The following IKZF2 variants were observed in gnomAD, a reference collection of about 807,000 sequenced individuals.
IKZF2 encodes the protein IKAROS family zinc finger 2, also known as zinc finger protein Helios.
IKZF2 carries 15 observed loss-of-function variants against 49.2 expected under a neutral mutation model. The ratio of observed to expected loss-of-function variants is 0.30; its 90% confidence interval spans 0.20 to 0.47. The LOEUF is 0.47. Among genes scored for constraint, IKZF2 ranks in the 20% least tolerant of loss-of-function variants. The pLI is 1.00. For missense variants in IKZF2, 567 were observed against 664.6 expected, an observed-to-expected ratio of 0.85 and a Z score of 1.61; for synonymous variants, 227 against 221.4, an observed-to-expected ratio of 1.03 and a Z score of -0.23.
At chr2:213,062,033 A>G (rs184870709) in intron 4 of IKZF2, among the ~76,000 whole-genome samples, 11 of 151,698 alleles carry the variant, frequency 7.3e-5, no homozygotes, top group South Asian at 6.2e-4. Context: ...CTTCAATAAT[A>G]TGAATTCTCA....
Position 213,006,944 on chromosome 2 carries a change from A to G in IKZF2, c.*416T>C, listed in dbSNP as rs1418296038. 1.3e-5 allele frequency: 2 copies of G among 158,462 alleles called. No individual in the cohort carries two copies. The highest frequency in any genetic ancestry group is 6.2e-5 in the Admixed American group (1 of 16,036). 9.8% of individuals were successfully genotyped at this position (158,462 alleles called of 1,614,324 possible). On this transcript the variant is annotated 3_prime_UTR_variant, in exon 9 of 9. Coordinates refer to ENST00000434687, the MANE Select transcript of IKZF2 (RefSeq NM_001387220.1). ...TCTTCTTTCAAGAATAAAGTTACTT[A>G]TACCATTTTTAAACCACCAAAGTCC...
At position 213,057,071 on chromosome 2, in the gene IKZF2, A is replaced by G; in HGVS notation, c.168T>C (p.Ser56=). 6.2e-7 allele frequency: 1 copy of G among 1,612,904 alleles called. No homozygotes were observed. Among genetic ancestry groups the G allele is most frequent in the Non-Finnish European group, 8.5e-7 (1 of 1,179,646 alleles). The change falls in exon 5 of 9, where the codon AGT becomes AGC. Residue 56 remains serine, a synonymous_variant. Coordinates refer to ENST00000434687, the MANE Select transcript of IKZF2 (RefSeq NM_001387220.1). ...GGGGTTTCCTGTCACACTCTTCATC[A>G]CTCTGCATTTCTAGCTTTACTGAAT... The part of the protein sequence containing the change: ...STNSVKLEMQ[S]DEECDRKPLS...
chr2:213,033,156 A>T (rs1044175980), intron 6 of IKZF2, among the ~76,000 whole-genome samples: 1 of 152,204 alleles, frequency 6.6e-6, no homozygotes, highest in Non-Finnish European at 1.5e-5. Context: ...TCATCCATTC[A>T]CATTTTATAA....
chr2:213,037,614 A>G (rs1380678456), intron 6 of IKZF2, among the ~76,000 whole-genome samples: 1 of 152,190 alleles, frequency 6.6e-6, no homozygotes, highest in African/African-American at 2.4e-5. Flanking sequence ...GTCAAGAATG[A>G]AAATATTAAT....
chr2:213,091,663 T>G (rs1307564028), intron 4 of IKZF2, among the ~76,000 whole-genome samples: 1 of 152,176 alleles, frequency 6.6e-6, no homozygotes, highest in African/African-American at 2.4e-5. Context: ...GAAAGGTAGA[T>G]ATGAGATCAA....
chr2:213,014,835 G>T (rs1485741743), intron 7 of IKZF2: 1 of 151,956 alleles, frequency 6.6e-6, no homozygotes, highest in Admixed American at 6.6e-5. Context: ...TAAAAACAGT[G>T]TTCTCAGGAA....
chr2:213,003,910 T>C lies in IKZF2; in HGVS notation c.*3450A>G, dbSNP rs1454125873. ...TAAATATCTTTGAATGTATATCCAA[T>C]CAGCTTAATCATTGTTTGTTTCACT... is the stretch of plus-strand genomic sequence containing the variant. On this transcript the variant is annotated 3_prime_UTR_variant, in exon 9 of 9. Coordinates refer to ENST00000434687, the MANE Select transcript of IKZF2 (RefSeq NM_001387220.1). 6.6e-6 allele frequency: 1 copy of C among 151,862 alleles called. No homozygotes were observed. Among genetic ancestry groups the C allele is most frequent in the African/African-American group, 2.4e-5 (1 of 41,432 alleles). The allele number at this position is 151,862 out of a possible 1,614,324, so 9.4% of individuals were successfully genotyped here. A position where few individuals can be genotyped will look rare whatever the true frequency, so the allele number is the denominator to read the frequency against.
intron 4 of IKZF2, among the ~76,000 whole-genome samples, chr2:213,130,724 G>A (rs2060447392): frequency 6.6e-6 from 1 of 152,152 alleles, no homozygotes; most frequent in African/African-American, 2.4e-5. Context: ...TTTCAGTTCA[G>A]TTAGGATTAA....
rs1412174483 is a variant in IKZF2 at position 213,007,643 on chromosome 2, C to T, written c.1298G>A (p.Ser433Asn). ...GACATCCTCCTTCATGTAAGCTGGG[C>T]TTTGTTTCCTCTTGGGATTTAAGGC... ...HPALNPKRKQ[S>N]PAYMKEDVKA... The change falls in exon 9 of 9, where the codon AGC (serine) becomes AAC (asparagine). Residue 433 changes from serine to asparagine, a missense_variant. Coordinates refer to ENST00000434687, the MANE Select transcript of IKZF2 (RefSeq NM_001387220.1). The T allele has an allele frequency of 3.1e-6, 5 of 1,613,522 alleles. No homozygotes were observed. The highest frequency in any genetic ancestry group is 1.3e-5 in the African/African-American group (1 of 74,840).
chr2:213,045,833 G>C (rs1700100167), intron 6 of IKZF2, among the ~76,000 whole-genome samples: 1 of 152,060 alleles, frequency 6.6e-6, no homozygotes, highest in Non-Finnish European at 1.5e-5. Context: ...ACCATATTTG[G>C]GTATACTTCT....
chr2:213,102,158 T>C lies in IKZF2; in HGVS notation c.140-45059A>G, dbSNP rs147323372. On this transcript the variant is annotated intron_variant, in intron 4 of 8. Transcript: ENST00000434687. ...GTGATTTTCATGTTTTCAATAATTCTGTATTTAAACTAGAATTTGTGAGCG... is the reference window on the plus strand; with the variant it reads ...GTGATTTTCATGTTTTCAATAATTCCGTATTTAAACTAGAATTTGTGAGCG... 3.1e-3 allele frequency among the ~76,000 whole-genome samples: 477 copies of C among 152,298 alleles called. 3 individuals carry two copies. The highest frequency in any genetic ancestry group is 0.011 in the African/African-American group (442 of 41,570).
At chr2:213,116,216 A>C (rs1319690750) in intron 4 of IKZF2, among the ~76,000 whole-genome samples, 1 of 152,242 alleles carries the variant, frequency 6.6e-6, no homozygotes, top group Non-Finnish European at 1.5e-5. Context: ...AGCTGTTAAT[A>C]ATTATAATGT....
intron 6 of IKZF2, among the ~76,000 whole-genome samples, chr2:213,027,358 T>C (rs1697921391): frequency 6.6e-6 from 1 of 152,156 alleles, no homozygotes. Context: ...TTTCCTTTTT[T>C]GTGCAGCTTT....
At chr2:213,043,594 A>G (rs1433557259) in intron 6 of IKZF2, among the ~76,000 whole-genome samples, 1 of 152,210 alleles carries the variant, frequency 6.6e-6, no homozygotes. Flanking sequence ...GTTTCATGGA[A>G]GACAGTTTTT....
intron 7 of IKZF2, among the ~76,000 whole-genome samples, chr2:213,020,048 T>C (rs761483599): frequency 1.3e-5 from 2 of 152,036 alleles, no homozygotes; most frequent in African/African-American, 4.8e-5. Flanking sequence ...AATGCAAAAA[T>C]AATAAATAAA....
At chr2:213,136,370 C>CAAA (rs11325415) in intron 4 of IKZF2, among the ~76,000 whole-genome samples, 68 of 53,506 alleles carry the variant, frequency 1.3e-3, no homozygotes, top group African/African-American at 1.8e-3. Context: ...GACACTGTCT[C>CAAA]AAAAAAAAAA....
chr2:213,008,209 A>G, intron 8 of IKZF2, 125 bp from the exon 9 acceptor site: 6 of 1,137,724 alleles, frequency 5.3e-6, no homozygotes, highest in Non-Finnish European at 7.3e-6. Context: ...AATTTGGTAT[A>G]TATTACTCTA....
In IKZF2 at chr2:213,004,687, C is replaced by G. The variant is rs1695179626; in HGVS notation, c.*2673G>C. The stretch of plus-strand genomic sequence containing the variant: ...ATGCACATATAACCATCCAGAGTTT[C>G]TCCAAAAACACTACGTCCACAAAAA... On this transcript the variant is annotated 3_prime_UTR_variant, in exon 9 of 9. Transcript: ENST00000434687. 6.6e-6 allele frequency: 1 copy of G among 151,938 alleles called. No homozygotes were observed. Among genetic ancestry groups the G allele is most frequent in the Non-Finnish European group, 1.5e-5 (1 of 67,924 alleles). 9.4% of individuals were successfully genotyped at this position (151,938 alleles called of 1,614,324 possible). A position where few individuals can be genotyped will look rare whatever the true frequency, so the allele number is the denominator to read the frequency against.
At chr2:213,089,059 G>C (rs1704998924) in intron 4 of IKZF2, among the ~76,000 whole-genome samples, 1 of 152,132 alleles carries the variant, frequency 6.6e-6, no homozygotes, top group Non-Finnish European at 1.5e-5. Flanking sequence ...TTTTGATTAA[G>C]ACTCATCTTG....
Sources: gnomAD v4.1 joint callset for allele counts (sites outside exome capture counted in the v4.1 genomes callset) on GRCh38, gnomAD v4.1.1 for gene constraint, MANE v1.5 for transcripts, NCBI Gene and HGNC (gene_info 2026-07-23, HGNC 2026-07-21) for gene names.